Variants in NAV2 observed in about 807,000 individuals in gnomAD.
NAV2 encodes neuron navigator 2.
A neutral mutation model predicts 223.2 loss-of-function variants in NAV2; 54 were observed. The ratio of observed to expected loss-of-function variants is 0.24; its 90% confidence interval spans 0.19 to 0.30. NAV2 has a LOEUF of 0.30. Ranked by LOEUF, NAV2 falls within the 10% of genes least tolerant of loss-of-function variation. The probability of loss-of-function intolerance (pLI) is 1.00; values close to 1 mark genes in which losing one functional copy is unlikely to be tolerated. For missense variants in NAV2, 2,806 were observed against 3,147.5 expected (o/e 0.89, Z 2.60); for synonymous variants, 1,279 against 1,239.3 (o/e 1.03, Z -0.67).
intron 1 of NAV2, among the ~76,000 whole-genome samples, chr11:19,584,526 A>G (rs1389326675): frequency 6.6e-6 from 1 of 152,132 alleles, no homozygotes; most frequent in African/African-American, 2.4e-5. Context: ...AGTGCTATAA[A>G]TTTCCCTCTA....
At chr11:19,769,116 C>T (rs904054072) in intron 1 of NAV2, among the ~76,000 whole-genome samples, 3 of 152,126 alleles carry the variant, frequency 2.0e-5, no homozygotes, top group African/African-American at 7.2e-5. Context: ...GAATAACTGC[C>T]AGGATAACTG....
intron 6 of NAV2, among the ~76,000 whole-genome samples, chr11:19,913,078 G>A (rs765009745): frequency 3.9e-5 from 6 of 152,128 alleles, no homozygotes; most frequent in Non-Finnish European, 5.9e-5. Flanking sequence ...CTGCAGAATC[G>A]CTGGCATTTT....
chr11:19,622,123 G>A (rs1056134801), intron 1 of NAV2, among the ~76,000 whole-genome samples: 1 of 152,202 alleles, frequency 6.6e-6, no homozygotes. Context: ...CTGAGAGACA[G>A]TTTGTTATAA....
At chr11:19,580,827 G>C (rs1356762943) in intron 1 of NAV2, among the ~76,000 whole-genome samples, 1 of 152,136 alleles carries the variant, frequency 6.6e-6, no homozygotes, top group Non-Finnish European at 1.5e-5. Context: ...TGAGTAGAAG[G>C]TATGTGAATG....
intron 11 of NAV2, among the ~76,000 whole-genome samples, chr11:19,985,070 T>C (rs999012812): frequency 6.6e-6 from 1 of 152,238 alleles, no homozygotes; most frequent in African/African-American, 2.4e-5. Flanking sequence ...ACATGGAATT[T>C]AGATGCAAGT....
intron 1 of NAV2, among the ~76,000 whole-genome samples, chr11:19,373,717 T>C (rs1848546818): frequency 6.6e-6 from 1 of 152,242 alleles, no homozygotes; most frequent in Non-Finnish European, 1.5e-5. Context: ...GTCTCTCTCC[T>C]TAGACATAAA....
At chr11:19,984,720 G>T (rs1418452160) in intron 11 of NAV2, among the ~76,000 whole-genome samples, 2 of 152,186 alleles carry the variant, frequency 1.3e-5, no homozygotes, top group African/African-American at 4.8e-5. Context: ...TAAGGACATG[G>T]GTTTAGACAC....
At chr11:19,441,765 G>A (rs768137784) in intron 1 of NAV2, among the ~76,000 whole-genome samples, 4 of 152,136 alleles carry the variant, frequency 2.6e-5, no homozygotes, top group Admixed American at 6.5e-5. Flanking sequence ...TTTCTCCCTT[G>A]GCTTCAGCAG....
intron 3 of NAV2, among the ~76,000 whole-genome samples, chr11:19,859,137 CTTT>C (rs569446282): frequency 2.4e-4 from 26 of 107,106 alleles, no homozygotes; most frequent in South Asian, 4.3e-4. Flanking sequence ...ATCATATTCT[CTTT>C]TTTTTTTTTT....
At chr11:19,597,818 C>T (rs143980482) in intron 1 of NAV2, among the ~76,000 whole-genome samples, 11 of 152,304 alleles carry the variant, frequency 7.2e-5, no homozygotes, top group South Asian at 2.1e-4. Context: ...CACAGAACTG[C>T]GAGTTTCACT....
In NAV2 at chr11:20,118,561, C is replaced by G. The variant is rs1451433051; in HGVS notation, c.*303C>G. The G allele has an allele frequency of 4.7e-6, 1 of 210,660 alleles. No individual in the cohort carries two copies. Among genetic ancestry groups the G allele is most frequent in the Non-Finnish European group, 9.3e-6 (1 of 108,060 alleles). 13.0% of individuals were successfully genotyped at this position (210,660 alleles called of 1,614,324 possible). A position where few individuals can be genotyped will look rare whatever the true frequency, so the allele number is the denominator to read the frequency against. On this transcript the variant is annotated 3_prime_UTR_variant, in exon 38 of 38. Coordinates refer to ENST00000349880, the MANE Select transcript of NAV2 (RefSeq NM_145117.5). ...ATACTTCTCGGGAAAGGATCATCGC[C>G]GTTGAAATGAAAAGAGAGACAGAGA...
intron 10 of NAV2, among the ~76,000 whole-genome samples, chr11:19,971,951 C>T (rs761967806): frequency 5.9e-5 from 9 of 152,232 alleles, no homozygotes; most frequent in Admixed American, 1.3e-4. Flanking sequence ...GATCCACCCA[C>T]GTTGGCCTCC....
intron 1 of NAV2, among the ~76,000 whole-genome samples, chr11:19,627,924 A>G (rs1025278405): frequency 2.5e-5 from 3 of 121,582 alleles, no homozygotes; most frequent in Non-Finnish European, 3.6e-5. Flanking sequence ...AAAAAAAAAA[A>G]AAAAGAAGAA....
intron 1 of NAV2, among the ~76,000 whole-genome samples, chr11:19,516,426 T>C (rs918433456): frequency 6.6e-6 from 1 of 152,206 alleles, no homozygotes. Flanking sequence ...CAGCTGAGGA[T>C]AAAAGAGGCT....
At chr11:20,032,362 A>G (rs1169275074) in intron 11 of NAV2, among the ~76,000 whole-genome samples, 1 of 152,224 alleles carries the variant, frequency 6.6e-6, no homozygotes, top group Non-Finnish European at 1.5e-5. Flanking sequence ...TGATATGGGA[A>G]GAATCCTGTG....
intron 6 of NAV2, among the ~76,000 whole-genome samples, chr11:19,902,146 A>G (rs2042494685): frequency 6.6e-6 from 1 of 152,180 alleles, no homozygotes; most frequent in South Asian, 2.1e-4. Flanking sequence ...GACGTGCCCA[A>G]CTGCCCTTAC....
chr11:20,008,284 T>C (rs1408817517), intron 11 of NAV2, among the ~76,000 whole-genome samples: 1 of 152,092 alleles, frequency 6.6e-6, no homozygotes, highest in African/African-American at 2.4e-5. Context: ...GGAGAATCCA[T>C]GAGGCCGAGG....
intron 36 of NAV2, among the ~76,000 whole-genome samples, chr11:20,112,887 A>G (rs1867125): frequency 0.8 from 121,700 of 152,162 alleles, 50,146 homozygotes; most frequent in Middle Eastern, 0.93. Context: ...GCTCAGCTTC[A>G]CACTGTTGTC....
chr11:19,434,680 A>G (rs1033731601), intron 1 of NAV2, among the ~76,000 whole-genome samples: 15 of 152,158 alleles, frequency 9.9e-5, no homozygotes, highest in African/African-American at 3.1e-4. Flanking sequence ...TGCAAAATCA[A>G]ATTACTCTGA....
Sources: allele counts gnomAD v4.1 joint callset (sites outside exome capture counted in the v4.1 genomes callset), GRCh38; gene constraint gnomAD v4.1.1; transcripts MANE v1.5; gene names NCBI Gene and HGNC (gene_info 2026-07-23, HGNC 2026-07-21).